Variants in ACACA observed in about 807,000 individuals in gnomAD.
ACACA encodes the protein acetyl-CoA carboxylase 1.
Under a neutral mutation model 296.1 loss-of-function variants are expected in ACACA, and 103 were observed. The observed-to-expected ratio is 0.35, with a 90% confidence interval of 0.30 to 0.41. The LOEUF is 0.41. Among genes scored for constraint, ACACA ranks in the 10% least tolerant of loss-of-function variants. ACACA has a pLI of 1.00. For synonymous variants in ACACA, 953 were observed against 1,038.6 expected, an observed-to-expected ratio of 0.92 and a Z score of 1.58; for missense variants, 1,554 against 2,989.7, an observed-to-expected ratio of 0.52 and a Z score of 11.20.
At position 37,165,109 on chromosome 17, in the gene ACACA, G is replaced by A. The variant is rs912555040; in HGVS notation, c.5080-3059C>T. ...TTCCAAAGTATGTTGCTCATCGACC[G>A]CCTCCCCACCCCGCCCCGCCCCCCA... On this transcript the variant is annotated intron_variant, in intron 41 of 55. Transcript: ENST00000616317. Among the ~76,000 whole-genome samples, 3 of 151,816 alleles carry A rather than the reference G, an allele frequency of 2.0e-5. No individual in the cohort carries two copies. The East Asian group carries it at 5.8e-4, about 29-fold the overall frequency.
intron 1 of ACACA, among the ~76,000 whole-genome samples, chr17:37,377,726 T>G (rs1179588310): frequency 6.6e-6 from 1 of 151,458 alleles, no homozygotes; most frequent in Non-Finnish European, 1.5e-5. Context: ...TTTTAGAGAG[T>G]GTTTGATCTC....
chr17:37,240,655 C>G, intron 23 of ACACA, 91 bp from the exon 24 acceptor site: 1 of 918,544 alleles, frequency 1.1e-6, no homozygotes, highest in Non-Finnish European at 1.7e-6. Context: ...CCACGACATT[C>G]CACTGAACTG....
At chr17:37,291,796 T>C (rs1395794786) in intron 3 of ACACA, among the ~76,000 whole-genome samples, 1 of 152,164 alleles carries the variant, frequency 6.6e-6, no homozygotes, top group East Asian at 1.9e-4. Flanking sequence ...AAATGACTGA[T>C]ACGATTATAC....
rs73982295 is a variant in ACACA, at chr17:37,269,107, T to C, written c.1119+1644A>G. 8.8e-4 allele frequency among the ~76,000 whole-genome samples: 134 copies of C among 151,628 alleles called. 1 individual carries two copies. The highest frequency in any genetic ancestry group is 3.2e-3 in the African/African-American group (132 of 41,350). ...TTCTGACACTTAAAATAGGATAATG[T>C]AGCAAAACAATACCTTATTTATTGA... On this transcript the variant is annotated intron_variant, in intron 10 of 55. Coordinates refer to ENST00000616317, the MANE Select transcript of ACACA (RefSeq NM_198834.3).
At chr17:37,324,401 C>T (rs937545840) in intron 3 of ACACA, among the ~76,000 whole-genome samples, 1 of 147,368 alleles carries the variant, frequency 6.8e-6, no homozygotes, top group Admixed American at 6.8e-5. Context: ...TGTGGTGGCT[C>T]ACGCCCACCC....
At chr17:37,317,236 T>C (rs2047140138) in intron 3 of ACACA, among the ~76,000 whole-genome samples, 1 of 152,152 alleles carries the variant, frequency 6.6e-6, no homozygotes, top group Non-Finnish European at 1.5e-5. Flanking sequence ...AGGAAATATA[T>C]AAAATATGAA....
chr17:37,151,394 T>C lies in ACACA; in HGVS notation c.5475A>G (p.Lys1825=). The C allele has an allele frequency of 6.2e-7, 1 of 1,613,986 alleles. No individual in the cohort carries two copies. Among genetic ancestry groups the C allele is most frequent in the South Asian group, 1.1e-5 (1 of 91,088 alleles). ...GGTTCTCGGGTCCAATTCCCTCTTC[T>C]TTCCCAATAATATCTGTTATCTTGT... The part of the protein sequence containing the change: ...SRYKITDIIG[K]EEGIGPENLR... Residue 1825 remains lysine (K), a synonymous_variant, in exon 44 of 56, where the codon AAA becomes AAG. Transcript: ENST00000616317.
intron 50 of ACACA, among the ~76,000 whole-genome samples, chr17:37,117,471 G>A (rs1190051542): frequency 7.9e-5 from 12 of 152,188 alleles, no homozygotes. Flanking sequence ...CAGTGAGGCA[G>A]CTTAATATCA....
intron 54 of ACACA, among the ~76,000 whole-genome samples, chr17:37,093,289 C>T (rs1432256145): frequency 2.6e-5 from 4 of 152,266 alleles, no homozygotes; most frequent in East Asian, 3.9e-4. Context: ...TAAGAATGCA[C>T]CATGGCATCG....
chr17:37,348,001 C>T (rs1255770113), intron 1 of ACACA, among the ~76,000 whole-genome samples: 1 of 151,752 alleles, frequency 6.6e-6, no homozygotes, highest in Admixed American at 6.6e-5. Context: ...GGTGAAACCC[C>T]AACTATACTA....
intron 1 of ACACA, among the ~76,000 whole-genome samples, chr17:37,359,804 A>T (rs931802485): frequency 6.6e-6 from 1 of 152,240 alleles, no homozygotes; most frequent in Admixed American, 6.5e-5. Flanking sequence ...CTGGAACTCC[A>T]TAACCAGCCC....
At chr17:37,143,908 C>T in intron 45 of ACACA, 1 of 1,478,678 alleles carries the variant, frequency 6.8e-7, no homozygotes. Context: ...CCACATCTCT[C>T]CCAGTTTCTT....
chr17:37,379,296 C>T (rs1406136497), intron 1 of ACACA: 1 of 1,613,994 alleles, frequency 6.2e-7, no homozygotes, highest in Non-Finnish European at 8.5e-7. Context: ...ATCATTGCTG[C>T]TCCCCGCAGA....
chr17:37,326,849 A>C (rs1411272976), intron 3 of ACACA, among the ~76,000 whole-genome samples: 5 of 152,020 alleles, frequency 3.3e-5, no homozygotes, highest in Admixed American at 6.6e-5. Flanking sequence ...AGAAAGAAAG[A>C]AAAAAGAAAG....
At chr17:37,384,612 G>T (rs1323734158) in intron 1 of ACACA, among the ~76,000 whole-genome samples, 1 of 150,926 alleles carries the variant, frequency 6.6e-6, no homozygotes, top group Non-Finnish European at 1.5e-5. Context: ...AGTGAGATTT[G>T]TTTATTTTTA....
rs779841605 is a variant in ACACA at position 37,263,626 on chromosome 17, A to T, written c.1329+59T>A. On this transcript the variant is annotated intron_variant, in intron 11 of 55. Coordinates refer to ENST00000616317, the MANE Select transcript of ACACA (RefSeq NM_198834.3). ...GCCATTGTTCTCAGATTGGTACATG[A>T]ACTGAATGAAAAATGTTCTATGTAA... 3.0e-4 allele frequency: 415 copies of T among 1,388,166 alleles called. 1 individual carries two copies. Among genetic ancestry groups the T allele is most frequent in the Non-Finnish European group, 4.1e-4 (401 of 976,084 alleles). 86.0% of individuals were successfully genotyped at this position (1,388,166 alleles called of 1,614,324 possible). A position where few individuals can be genotyped will look rare whatever the true frequency, so the allele number is the denominator to read the frequency against.
At chr17:37,213,813 C>CA (rs2078864675) in intron 29 of ACACA, among the ~76,000 whole-genome samples, 1,479 of 125,222 alleles carry the variant, frequency 0.012, 21 homozygotes, top group African/African-American at 0.061. Flanking sequence ...TCAGAGTTGC[C>CA]GCTGCTAGCT....
At chr17:37,316,805 G>T (rs1399976042) in intron 3 of ACACA, among the ~76,000 whole-genome samples, 1 of 152,202 alleles carries the variant, frequency 6.6e-6, no homozygotes, top group Non-Finnish European at 1.5e-5. Context: ...AGGCGAGGTA[G>T]CTCATGTCTG....
chr17:37,187,816 C>T (rs2077595856), intron 39 of ACACA, among the ~76,000 whole-genome samples: 3 of 152,134 alleles, frequency 2.0e-5, no homozygotes, highest in African/African-American at 7.2e-5. Flanking sequence ...AGTGCTCATG[C>T]CACTATACTA....
Sources: allele counts gnomAD v4.1 joint callset (sites outside exome capture counted in the v4.1 genomes callset), GRCh38; gene constraint gnomAD v4.1.1; transcripts MANE v1.5; gene names NCBI Gene and HGNC (gene_info 2026-07-23, HGNC 2026-07-21).